The following GPC5 variants were observed in gnomAD, a reference collection of about 807,000 sequenced individuals.
GPC5 encodes glypican 5.
In GPC5, 47 loss-of-function variants were observed where a neutral mutation model predicts 53.9. The ratio of observed to expected loss-of-function variants is 0.87; its 90% CI spans 0.69 to 1.11. The LOEUF (loss-of-function observed/expected upper bound fraction) is 1.11. Ranked by LOEUF, GPC5 falls within the 50% of genes most tolerant of loss-of-function variation. GPC5 has a pLI of 0.00. For missense variants in GPC5, 748 were observed against 713.1 expected (o/e 1.05, Z -0.56); for synonymous variants, 286 against 263.3 (o/e 1.09, Z -0.84).
rs185659533 is a variant in GPC5, at chr13:91,786,690, A to T, written c.1280+30270A>T. On this transcript the variant is annotated intron_variant, in intron 5 of 7. Coordinates refer to ENST00000377067, the MANE Select transcript of GPC5 (RefSeq NM_004466.6). Reference sequence around the variant, plus strand: ...TGGAAGTTTTTCTTCTTTAAACTATAATATTTATGTCAAGAATCCCTTTCA... The same window carrying T: ...TGGAAGTTTTTCTTCTTTAAACTATTATATTTATGTCAAGAATCCCTTTCA... Among the ~76,000 whole-genome samples the T allele has an allele frequency of 4.5e-3, 686 of 152,272 alleles. 4 individuals carry two copies. Among genetic ancestry groups the T allele is most frequent in the African/African-American group, 0.016 (661 of 41,568 alleles).
chr13:91,723,002 A>T (rs2036505599), intron 3 of GPC5, among the ~76,000 whole-genome samples: 2 of 152,178 alleles, frequency 1.3e-5, no homozygotes, highest in African/African-American at 4.8e-5. Flanking sequence ...TTGCAATACT[A>T]GAATGTACTA....
chr13:91,780,199 A>G lies in GPC5; in HGVS notation c.1280+23779A>G, dbSNP rs189417646. Among the ~76,000 whole-genome samples the G allele has an allele frequency of 2.6e-5, 4 of 152,314 alleles. No homozygotes were observed. The East Asian group carries it at 7.7e-4, about 29-fold the overall frequency. ...TCTATAAGCAGTTCCTTGTTGACCAAAACATTGTTATGCAGTGAATGACTT... is the reference window on the plus strand; with the variant it reads ...TCTATAAGCAGTTCCTTGTTGACCAGAACATTGTTATGCAGTGAATGACTT... On this transcript the variant is annotated intron_variant, in intron 5 of 7. Coordinates refer to ENST00000377067, the MANE Select transcript of GPC5 (RefSeq NM_004466.6).
chr13:91,638,809 G>A (rs7318056), intron 2 of GPC5, among the ~76,000 whole-genome samples: 3,778 of 152,216 alleles, frequency 0.025, 145 homozygotes, highest in African/African-American at 0.085. Flanking sequence ...GTTAGCTAAC[G>A]TATTATACCT....
At chr13:91,457,107 A>G (rs571599) in intron 2 of GPC5, among the ~76,000 whole-genome samples, 140,298 of 152,088 alleles carry the variant, frequency 0.92, 65,740 homozygotes, top group East Asian at 1. Flanking sequence ...AAATTTTGTT[A>G]AAATGTATCT....
chr13:91,737,488 C>CTTATT (rs3084161), intron 4 of GPC5, among the ~76,000 whole-genome samples: 1 of 150,344 alleles, frequency 6.7e-6, no homozygotes. Context: ...GTTTCCATAG[C>CTTATT]TTAGTTTCTG....
At chr13:92,245,219 G>A (rs1408168848) in intron 7 of GPC5, among the ~76,000 whole-genome samples, 4 of 151,948 alleles carry the variant, frequency 2.6e-5, no homozygotes, top group African/African-American at 9.7e-5. Flanking sequence ...GTCTTCCAAT[G>A]CATGCATGTT....
chr13:91,564,378 G>T (rs567718069), intron 2 of GPC5, among the ~76,000 whole-genome samples: 1 of 152,250 alleles, frequency 6.6e-6, no homozygotes, highest in East Asian at 1.9e-4. Context: ...GGGACAACTT[G>T]GCAAGATCTG....
chr13:92,536,958 T>C (rs900927520), intron 7 of GPC5, among the ~76,000 whole-genome samples: 4 of 152,122 alleles, frequency 2.6e-5, no homozygotes, highest in African/African-American at 9.6e-5. Context: ...AATCTTCTGC[T>C]TTGTTCATAT....
chr13:92,066,535 A>G (rs1163618018), intron 6 of GPC5, among the ~76,000 whole-genome samples: 1 of 151,986 alleles, frequency 6.6e-6, no homozygotes, highest in African/African-American at 2.4e-5. Context: ...TTTTGAAGGG[A>G]ACATTAAAAC....
intron 2 of GPC5, among the ~76,000 whole-genome samples, chr13:91,498,538 C>T (rs1884431802): frequency 6.6e-6 from 1 of 151,996 alleles, no homozygotes; most frequent in African/African-American, 2.4e-5. Context: ...TAGCCAGGAG[C>T]ATGTGGAGAT....
At chr13:92,349,946 G>A (rs1211585316) in intron 7 of GPC5, among the ~76,000 whole-genome samples, 1 of 152,122 alleles carries the variant, frequency 6.6e-6, no homozygotes, top group Non-Finnish European at 1.5e-5. Context: ...TAAAACTACA[G>A]GCCAATATCC....
chr13:92,494,342 G>A (rs1879889012), intron 7 of GPC5, among the ~76,000 whole-genome samples: 1 of 152,166 alleles, frequency 6.6e-6, no homozygotes, highest in Admixed American at 6.5e-5. Flanking sequence ...GCCTGCCTCA[G>A]CCTCCCAAAG....
intron 7 of GPC5, among the ~76,000 whole-genome samples, chr13:92,746,205 A>G (rs2139318461): frequency 6.6e-6 from 1 of 152,266 alleles, no homozygotes; most frequent in Admixed American, 6.5e-5. Flanking sequence ...CCAGTAAAGT[A>G]GCTTTATAAA....
intron 6 of GPC5, among the ~76,000 whole-genome samples, chr13:91,923,416 G>T (rs2039736039): frequency 6.6e-6 from 1 of 152,136 alleles, no homozygotes; most frequent in African/African-American, 2.4e-5. Context: ...CTTGAAAGCA[G>T]GCTGACTTAT....
intron 7 of GPC5, among the ~76,000 whole-genome samples, chr13:92,484,379 AAGTAG>A (rs1879475819): frequency 6.6e-6 from 1 of 152,354 alleles, no homozygotes; most frequent in East Asian, 1.9e-4. Flanking sequence ...TAACTATAAA[AAGTAG>A]AGTAAATACC....
At chr13:92,014,128 T>C (rs2040686084) in intron 6 of GPC5, among the ~76,000 whole-genome samples, 1 of 152,244 alleles carries the variant, frequency 6.6e-6, no homozygotes, top group Non-Finnish European at 1.5e-5. Context: ...GAACATTTTC[T>C]GACTTGCCTT....
chr13:91,811,526 A>AT (rs1436123244), intron 5 of GPC5, among the ~76,000 whole-genome samples: 8 of 152,104 alleles, frequency 5.3e-5, no homozygotes, highest in Admixed American at 3.9e-4. Flanking sequence ...TGGTGATGTA[A>AT]TTTTTTAACA....
chr13:92,005,253 A>G (rs2040595898), intron 6 of GPC5, among the ~76,000 whole-genome samples: 1 of 152,188 alleles, frequency 6.6e-6, no homozygotes, highest in African/African-American at 2.4e-5. Context: ...AAGGGAGCCC[A>G]AGAAATTTCT....
intron 5 of GPC5, among the ~76,000 whole-genome samples, chr13:91,844,975 G>A (rs556818508): frequency 6.6e-6 from 1 of 152,204 alleles, no homozygotes; most frequent in Non-Finnish European, 1.5e-5. Context: ...TTTTAATATT[G>A]AAGAGTTGTA....
Sources: allele counts gnomAD v4.1 joint callset (sites outside exome capture counted in the v4.1 genomes callset), GRCh38; gene constraint gnomAD v4.1.1; transcripts MANE v1.5; gene names NCBI Gene and HGNC (gene_info 2026-07-23, HGNC 2026-07-21).